STXBP6: variants seen among roughly 807,000 people sequenced by gnomAD.
STXBP6 encodes the protein syntaxin binding protein 6, also known as syntaxin-binding protein 6.
A neutral mutation model predicts 26.9 loss-of-function variants in STXBP6; 21 were observed. The ratio of observed to expected loss-of-function variants is 0.78; its 90% CI spans 0.55 to 1.12. The LOEUF (loss-of-function observed/expected upper bound fraction) is 1.12. Ranked by LOEUF, STXBP6 falls within the 50% of genes most tolerant of loss-of-function variation. The pLI, the probability that STXBP6 is intolerant of heterozygous loss-of-function variation, is 0.00. For missense variants in STXBP6, 232 were observed against 257.9 expected (o/e 0.90, Z 0.69); for synonymous variants, 97 against 92.6 (o/e 1.05, Z -0.27).
intron 5 of STXBP6, chr14:24,815,876 A>G (rs1014758404): frequency 5.9e-5 from 9 of 152,232 alleles, no homozygotes; most frequent in African/African-American, 2.2e-4. Flanking sequence ...CATTTCCTCA[A>G]ACCAGGCTCA....
rs562796765 is a variant in STXBP6 at position 24,928,211 on chromosome 14, C to G, written c.154+46454G>C. On this transcript the variant is annotated intron_variant, in intron 2 of 5. Transcript: ENST00000323944. ...ATCATTAACAACTGGAAATTGAAAACTATGTACACTTATACTGAGGAAGGG... is the reference window on the plus strand; with the variant it reads ...ATCATTAACAACTGGAAATTGAAAAGTATGTACACTTATACTGAGGAAGGG... 3.9e-5 allele frequency among the ~76,000 whole-genome samples: 6 copies of G among 152,258 alleles called. No individual in the cohort carries two copies. The East Asian group carries it at 9.7e-4, about 25-fold the overall frequency.
rs150657143 is a variant in STXBP6, at chr14:24,924,037, A to G, written c.154+50628T>C. On this transcript the variant is annotated intron_variant, in intron 2 of 5. Coordinates refer to ENST00000323944, the MANE Select transcript of STXBP6 (RefSeq NM_001394410.1). Reference sequence around the variant, plus strand: ...ATATTTTTTTTTTGCAAAAAGCTTTAAAGTTTTTCTTTTTTACATTTAGCT... The same window carrying G: ...ATATTTTTTTTTTGCAAAAAGCTTTGAAGTTTTTCTTTTTTACATTTAGCT... Among the ~76,000 whole-genome samples the G allele has an allele frequency of 3.2e-3, 481 of 152,144 alleles. 16 individuals are homozygous for G. Among genetic ancestry groups the G allele is most frequent in the Admixed American group, 0.028 (421 of 15,286 alleles).
At chr14:25,009,156 A>C (rs1030737785) in intron 1 of STXBP6, among the ~76,000 whole-genome samples, 9 of 152,232 alleles carry the variant, frequency 5.9e-5, no homozygotes, top group Non-Finnish European at 1.2e-4. Context: ...GGTCTCATTC[A>C]ACTATCGAAC....
intron 1 of STXBP6, among the ~76,000 whole-genome samples, chr14:24,981,493 C>T (rs954618523): frequency 2.6e-5 from 4 of 152,146 alleles, no homozygotes; most frequent in African/African-American, 9.7e-5. Flanking sequence ...TGGTTTCCAA[C>T]TCCTGACCTC....
At chr14:24,863,598 G>T (rs1288055274) in intron 2 of STXBP6, among the ~76,000 whole-genome samples, 5 of 152,148 alleles carry the variant, frequency 3.3e-5, no homozygotes, top group African/African-American at 1.2e-4. Context: ...CAAGAGACTA[G>T]AAGGAAAGGA....
intron 2 of STXBP6, among the ~76,000 whole-genome samples, chr14:24,886,237 A>G (rs899725835): frequency 2.0e-5 from 3 of 152,330 alleles, no homozygotes; most frequent in Non-Finnish European, 2.9e-5. Flanking sequence ...ATTGGTGCCA[A>G]TTTTTGAAAT....
At position 24,988,086 on chromosome 14, in the gene STXBP6, T is replaced by C. The variant is rs75308511; in HGVS notation, c.-32-13236A>G. Reference sequence around the variant, plus strand: ...AATTAGGCAAAGGAATAAAGAATAATAGTCACTGTCATTCAGCACCAACCA... The same window carrying C: ...AATTAGGCAAAGGAATAAAGAATAACAGTCACTGTCATTCAGCACCAACCA... On this transcript the variant is annotated intron_variant, in intron 1 of 5. Transcript: ENST00000323944. 1,200 of 155,844 alleles carry C rather than the reference T, an allele frequency of 7.7e-3. 11 individuals are homozygous for C. Among genetic ancestry groups the C allele is most frequent in the African/African-American group, 0.028 (1,150 of 41,612 alleles). 9.7% of individuals were successfully genotyped at this position (155,844 alleles called of 1,614,324 possible).
chr14:24,831,815 TA>T (rs139854690), intron 4 of STXBP6, among the ~76,000 whole-genome samples: 2,300 of 152,238 alleles, frequency 0.015, 69 homozygotes, highest in African/African-American at 0.053. Context: ...TTTGCTCATG[TA>T]AAATAAACTC....
chr14:24,925,078 T>C (rs1196015127), intron 2 of STXBP6, among the ~76,000 whole-genome samples: 1 of 152,258 alleles, frequency 6.6e-6, no homozygotes. Flanking sequence ...GTCACAAATG[T>C]ACCTCACTTT....
chr14:24,930,814 C>CA (rs1360833474), intron 2 of STXBP6, among the ~76,000 whole-genome samples: 2 of 151,874 alleles, frequency 1.3e-5, no homozygotes, highest in Non-Finnish European at 2.9e-5. Context: ...ATTGCAAGGA[C>CA]AAAAAACCAA....
chr14:25,041,558 T>C (rs1347960057), intron 1 of STXBP6, among the ~76,000 whole-genome samples: 1 of 152,034 alleles, frequency 6.6e-6, no homozygotes, highest in Non-Finnish European at 1.5e-5. Flanking sequence ...CTGTACAAAG[T>C]CAACATATTT....
chr14:24,879,885 G>T (rs1282181416), intron 2 of STXBP6, among the ~76,000 whole-genome samples: 2 of 152,152 alleles, frequency 1.3e-5, no homozygotes, highest in African/African-American at 4.8e-5. Flanking sequence ...CCCGCTGAGG[G>T]TGTCTGGCTG....
chr14:25,033,039 C>A (rs547553313), intron 1 of STXBP6, among the ~76,000 whole-genome samples: 15 of 152,334 alleles, frequency 9.8e-5, no homozygotes, highest in African/African-American at 3.1e-4. Context: ...TCCTCCTGTT[C>A]TAATCCATCA....
At chr14:24,909,286 A>G (rs1367696646) in intron 2 of STXBP6, among the ~76,000 whole-genome samples, 1 of 152,214 alleles carries the variant, frequency 6.6e-6, no homozygotes, top group Non-Finnish European at 1.5e-5. Context: ...CAGCCCCAGC[A>G]GCACGTCATG....
intron 2 of STXBP6, among the ~76,000 whole-genome samples, chr14:24,929,572 G>A (rs1274950103): frequency 6.6e-6 from 1 of 152,206 alleles, no homozygotes; most frequent in Admixed American, 6.5e-5. Flanking sequence ...AACTTCCAAG[G>A]AAGCTAATAA....
At position 24,819,135 on chromosome 14, in the gene STXBP6, G is replaced by A. The variant is rs1423598171; in HGVS notation, c.511C>T (p.Gln171Ter). The A allele has an allele frequency of 1.2e-6, 2 of 1,614,120 alleles. No homozygotes were observed. Among genetic ancestry groups the A allele is most frequent in the Non-Finnish European group, 1.7e-6 (2 of 1,180,006 alleles). The change falls in exon 5 of 6, where the codon CAG (glutamine) becomes TAG (stop). Residue 171 changes from glutamine (Q) to a stop codon, truncating the protein, a stop_gained. Transcript: ENST00000323944. LOFTEE classifies it high-confidence loss of function. ...SVTSAVQKAS[Q>*]ALNERGERLG... ...CGCTCTCCACGCTCATTCAAGGCCT[G>A]GCTTGCCTTCTGCACTGCGCTGGTC...
chr14:25,008,725 C>G (rs2074961859), intron 1 of STXBP6, among the ~76,000 whole-genome samples: 1 of 152,126 alleles, frequency 6.6e-6, no homozygotes, highest in South Asian at 2.1e-4. Flanking sequence ...GTAAAAGAGA[C>G]TACCAGCTTG....
At chr14:25,005,704 T>A (rs1471906243) in intron 1 of STXBP6, among the ~76,000 whole-genome samples, 1 of 151,482 alleles carries the variant, frequency 6.6e-6, no homozygotes, top group African/African-American at 2.4e-5. Flanking sequence ...AAAGTCTCTA[T>A]ACAATTTATT....
At chr14:25,003,582 G>A (rs1261397786) in intron 1 of STXBP6, among the ~76,000 whole-genome samples, 2 of 152,164 alleles carry the variant, frequency 1.3e-5, no homozygotes, top group African/African-American at 2.4e-5. Flanking sequence ...ATTAGATTGA[G>A]TCATACAGTA....
Sources: allele counts gnomAD v4.1 joint callset (sites outside exome capture counted in the v4.1 genomes callset), GRCh38; gene constraint gnomAD v4.1.1; transcripts MANE v1.5; gene names NCBI Gene and HGNC (gene_info 2026-07-23, HGNC 2026-07-21).